Variants in CEP68 observed in about 807,000 individuals in gnomAD.
CEP68 encodes the protein centrosomal protein of 68 kDa.
A neutral mutation model predicts 55.3 loss-of-function variants in CEP68; 26 were observed. That is an observed-to-expected ratio of 0.47 (90% confidence interval 0.34 to 0.65). The LOEUF (loss-of-function observed/expected upper bound fraction) is 0.65. Among genes scored for constraint, CEP68 ranks in the 30% least tolerant of loss-of-function variants. The pLI is 0.01. For synonymous variants in CEP68, 402 were observed against 383.2 expected (o/e 1.05, Z -0.57); for missense variants, 957 against 946.7 (o/e 1.01, Z -0.14).
intron 4 of CEP68, among the ~76,000 whole-genome samples, chr2:65,076,040 A>G (rs2103787633): frequency 6.6e-6 from 1 of 151,036 alleles, no homozygotes; most frequent in East Asian, 2.0e-4. Flanking sequence ...TGCAGTGTGG[A>G]GAGAGGTTGC....
Position 65,074,333 on chromosome 2 carries a change from G to T in CEP68, c.1936G>T (p.Asp646Tyr). 2 of 1,614,226 alleles carry T rather than the reference G, an allele frequency of 1.2e-6. No homozygotes were observed. Among genetic ancestry groups the T allele is most frequent in the Non-Finnish European group, 1.7e-6 (2 of 1,180,048 alleles). The change falls in exon 4 of 7, where the codon GAT becomes TAT. Residue 646 changes from aspartate to tyrosine, a missense_variant. Asp to Tyr is a radical substitution (Grantham distance 160). Transcript: ENST00000377990. The stretch of plus-strand genomic sequence containing the variant: ...GATCTGCTGGCTGTATAATGTTGCA[G>T]ATGTTACTGACCACGGGACTGCAGC... ...ELICWLYNVA[D>Y]VTDHGTAARS...
Position 65,071,855 on chromosome 2 carries a change from G to A in CEP68, c.759G>A (p.Val253=), listed in dbSNP as rs1185863810. The A allele has an allele frequency of 6.2e-7, 1 of 1,606,562 alleles. No individual in the cohort carries two copies. Among genetic ancestry groups the A allele is most frequent in the Admixed American group, 1.7e-5 (1 of 59,520 alleles). Residue 253 remains valine (V), a synonymous_variant, in exon 3 of 7, where the codon GTG becomes GTA. Transcript: ENST00000377990. ...GPRPQWSPQP[V]FSGGDASGLG... is the part of the protein sequence containing the mutation. ...GGCCCCAGTGGTCACCACAGCCTGT[G>A]TTCTCTGGGGGTGATGCTTCTGGGC...
chr2:65,081,753 G>A (rs565177631), intron 5 of CEP68, among the ~76,000 whole-genome samples: 1 of 152,194 alleles, frequency 6.6e-6, no homozygotes, highest in African/African-American at 2.4e-5. Context: ...GCTGGAGTGC[G>A]ATGGCACAGT....
chr2:65,066,016 C>T (rs974098611), intron 1 of CEP68, among the ~76,000 whole-genome samples: 1 of 151,592 alleles, frequency 6.6e-6, no homozygotes, highest in Non-Finnish European at 1.5e-5. Flanking sequence ...GGTTCAAGTT[C>T]GCAGGTAGCT....
chr2:65,068,817 G>C (rs1358383032), intron 1 of CEP68, among the ~76,000 whole-genome samples: 6 of 151,818 alleles, frequency 4.0e-5, no homozygotes, highest in Admixed American at 3.3e-4. Flanking sequence ...GACAGAGTAA[G>C]ACCCTGTCTC....
chr2:65,074,481 A>C (rs1676664738), intron 4 of CEP68, 77 bp downstream of exon 4: 2 of 1,598,994 alleles, frequency 1.3e-6, no homozygotes, highest in Non-Finnish European at 1.7e-6. Context: ...GTAAAATCTC[A>C]AATAACCAAT....
chr2:65,078,037 C>T (rs1676842877), intron 5 of CEP68, 73 bp downstream of exon 5: 1 of 1,136,694 alleles, frequency 8.8e-7, no homozygotes, highest in East Asian at 2.4e-5. Context: ...ACCGCACTAT[C>T]CCTGGTAAGG....
intron 2 of CEP68, 68 bp from the exon 3 acceptor site, chr2:65,071,385 GT>G (rs1676450943): frequency 7.5e-7 from 1 of 1,329,356 alleles, no homozygotes; most frequent in South Asian, 1.3e-5. Flanking sequence ...AAACTCCTGG[GT>G]TGTCATCTAA....
intron 5 of CEP68, among the ~76,000 whole-genome samples, chr2:65,081,277 C>T (rs1226421485): frequency 2.6e-5 from 4 of 151,922 alleles, no homozygotes; most frequent in African/African-American, 4.8e-5. Context: ...CAAGCTTTAC[C>T]GTGCGCCTGA....
At chr2:65,069,926 G>C (rs1676379626) in intron 2 of CEP68, 125 bp downstream of exon 2, 1 of 893,578 alleles carries the variant, frequency 1.1e-6, no homozygotes, top group Admixed American at 2.2e-5. Flanking sequence ...AGGGGCCTGA[G>C]TATGATGATT....
intron 2 of CEP68, chr2:65,070,849 C>T (rs1181277576): frequency 6.5e-6 from 1 of 153,678 alleles, no homozygotes; most frequent in East Asian, 1.9e-4. Context: ...CGAAGTCATA[C>T]ATCTGGAAGG....
Position 65,082,492 on chromosome 2 carries a change from A to G in CEP68, c.2105-44A>G, listed in dbSNP as rs144795714. The G allele has an allele frequency of 3.1e-4, 458 of 1,474,276 alleles. 6 individuals carry two copies. The East Asian group carries it at 0.011, about 34-fold the overall frequency. The allele number at this position is 1,474,276 out of a possible 1,614,324, so 91.3% of individuals were successfully genotyped here. A position where few individuals can be genotyped will look rare whatever the true frequency, so the allele number is the denominator to read the frequency against. ...AAAATGCTTACTGGACAACACTTGC[A>G]TGGGTTTTATTTCTGGTTTAATTTC... On this transcript the variant is annotated intron_variant, in intron 5 of 6. Transcript: ENST00000377990.
At chr2:65,062,457 C>CG (rs1417482958) in intron 1 of CEP68, among the ~76,000 whole-genome samples, 1 of 146,100 alleles carries the variant, frequency 6.8e-6, no homozygotes, top group Non-Finnish European at 1.5e-5. Context: ...TGCTTGAACC[C>CG]GGGAGGCAGA....
At chr2:65,056,880 G>T (rs906087622) in intron 1 of CEP68, among the ~76,000 whole-genome samples, 23 of 152,296 alleles carry the variant, frequency 1.5e-4, no homozygotes, top group African/African-American at 5.5e-4. Flanking sequence ...CTGCGCCGCT[G>T]GTCGGCCTGG....
chr2:65,070,215 C>G lies in CEP68; in HGVS notation c.357+414C>G, dbSNP rs150439308. On this transcript the variant is annotated intron_variant, in intron 2 of 6. Transcript: ENST00000377990. ...CTCCTGGGGGCTCTGAACCTAAATC[C>G]TCTTCAGACCCAAGGGACATGTCAG... Among the ~76,000 whole-genome samples the G allele has an allele frequency of 9.1e-3, 1,392 of 152,214 alleles. 24 individuals are homozygous for G. The highest frequency in any genetic ancestry group is 0.031 in the African/African-American group (1,284 of 41,518).
chr2:65,071,174 T>G, intron 2 of CEP68: 1 of 469,702 alleles, frequency 2.1e-6, no homozygotes, highest in Non-Finnish European at 3.9e-6. Context: ...GACAGAGCTG[T>G]CTGAGTTCTG....
intron 1 of CEP68, among the ~76,000 whole-genome samples, chr2:65,068,827 CAGAAAAA>C (rs965402616): frequency 2.0e-5 from 3 of 149,790 alleles, no homozygotes; most frequent in African/African-American, 7.6e-5. Flanking sequence ...GACCCTGTCT[CAGAAAAA>C]AGAAAAAAAG....
At chr2:65,077,247 C>A (rs1676809138) in intron 4 of CEP68, among the ~76,000 whole-genome samples, 1 of 152,164 alleles carries the variant, frequency 6.6e-6, no homozygotes. Context: ...ATCCGCCCAC[C>A]TTGGCCTCCC....
intron 4 of CEP68, among the ~76,000 whole-genome samples, chr2:65,076,995 C>CTT (rs573128823): frequency 0.02 from 2,401 of 118,220 alleles, 148 homozygotes; most frequent in African/African-American, 0.06. Flanking sequence ...TTGACTTTAC[C>CTT]TTTTTTTTTT....
Sources: allele counts gnomAD v4.1 joint callset (sites outside exome capture counted in the v4.1 genomes callset), GRCh38; gene constraint gnomAD v4.1.1; transcripts MANE v1.5; gene names NCBI Gene and HGNC (gene_info 2026-07-23, HGNC 2026-07-21).